Variants in BCAR3 observed in about 807,000 individuals in gnomAD.
BCAR3 encodes the protein breast cancer anti-estrogen resistance protein 3.
Under a neutral mutation model 80.1 loss-of-function variants are expected in BCAR3, and 37 were observed. That is an observed-to-expected ratio of 0.46 (90% CI 0.36 to 0.61). The LOEUF is 0.61. BCAR3 is among the 20% of genes least tolerant of loss of function. The pLI is 0.00. For synonymous variants in BCAR3, 389 were observed against 418.9 expected, an observed-to-expected ratio of 0.93 and a Z score of 0.87; for missense variants, 978 against 1,068.2, an observed-to-expected ratio of 0.92 and a Z score of 1.18.
At position 93,562,041 on chromosome 1, in the gene BCAR3, C is replaced by CA. The variant is rs1428762989; in HGVS notation, c.*199dup. 27 of 445,424 alleles carry CA rather than the reference C, an allele frequency of 6.1e-5. No homozygotes were observed. Among genetic ancestry groups the CA allele is most frequent in the Non-Finnish European group, 8.6e-5 (23 of 266,618 alleles). The allele number at this position is 445,424 out of a possible 1,614,324, so 27.6% of individuals were successfully genotyped here. On this transcript the variant is annotated 3_prime_UTR_variant, in exon 12 of 12. Coordinates refer to ENST00000260502, the MANE Select transcript of BCAR3 (RefSeq NM_003567.4). ...GTAGTTACCTTAATAATAAATTATT[C>CA]ATTTTAAAATCAGTAGTAACTTTAG...
rs181805192 is a variant in BCAR3 at position 93,607,274 on chromosome 1, G to C, written c.358-14881C>G. Among the ~76,000 whole-genome samples the C allele has an allele frequency of 1.5e-3, 233 of 152,266 alleles. 2 individuals are homozygous for C. The highest frequency in any genetic ancestry group is 2.9e-3 in the Non-Finnish European group (197 of 68,022). On this transcript the variant is annotated intron_variant, in intron 3 of 11. Coordinates refer to ENST00000260502, the MANE Select transcript of BCAR3 (RefSeq NM_003567.4). ...TTTAAAAAGACTGTTAACCAGCTTC[G>C]GGGTGGAGGAAGATGGGGACCAGGA...
intron 3 of BCAR3, among the ~76,000 whole-genome samples, chr1:93,623,604 T>C (rs1675375033): frequency 6.6e-6 from 1 of 152,176 alleles, no homozygotes; most frequent in Non-Finnish European, 1.5e-5. Flanking sequence ...GTGGTCAAAG[T>C]GCTGAGAGAG....
intron 2 of BCAR3, among the ~76,000 whole-genome samples, chr1:93,654,431 C>T (rs963436456): frequency 2.6e-5 from 4 of 152,058 alleles, no homozygotes; most frequent in Admixed American, 1.3e-4. Context: ...GTCCTACAAC[C>T]GCAAGGAACT....
At chr1:93,786,702 TAAAAGGAAAAG>T (rs1652960821) in intron 2 of BCAR3, among the ~76,000 whole-genome samples, 1 of 152,120 alleles carries the variant, frequency 6.6e-6, no homozygotes, top group South Asian at 2.1e-4. Context: ...ATTTTTAAGT[TAAAAGGAAAAG>T]GTGTTTTCCT....
At chr1:93,842,677 A>C (rs1655001411) in intron 2 of BCAR3, among the ~76,000 whole-genome samples, 1 of 152,070 alleles carries the variant, frequency 6.6e-6, no homozygotes, top group African/African-American at 2.4e-5. Context: ...CTCATGCCAA[A>C]TGCTTTCCCA....
intron 2 of BCAR3, among the ~76,000 whole-genome samples, chr1:93,814,664 G>GGT (rs1035378834): frequency 6.6e-6 from 1 of 152,206 alleles, no homozygotes; most frequent in African/African-American, 2.4e-5. Context: ...GGTCACCACT[G>GGT]GTGTGTGTAC....
At position 93,754,914 on chromosome 1, in the gene BCAR3, G is replaced by C. The variant is rs538704829; in HGVS notation, c.-62-48772C>G. On this transcript the variant is annotated intron_variant, in intron 2 of 13. Coordinates refer to the BCAR3 transcript ENST00000370244. ...AGGAGGTATTCCAGAAGAAGGTACT[G>C]TTATCCTAGGAGAGGACAGCTCCAT... is the stretch of plus-strand genomic sequence containing the variant. 1.0e-3 allele frequency among the ~76,000 whole-genome samples: 152 copies of C among 152,320 alleles called. 4 individuals carry two copies. Among genetic ancestry groups the C allele is most frequent in the Middle Eastern group, 3.4e-3 (1 of 294 alleles).
At chr1:93,758,663 G>A (rs1474622879) in intron 2 of BCAR3, among the ~76,000 whole-genome samples, 1 of 152,232 alleles carries the variant, frequency 6.6e-6, no homozygotes, top group Non-Finnish European at 1.5e-5. Flanking sequence ...GCTGAGAAAT[G>A]TTCTTGGGAA....
At chr1:93,634,905 A>G (rs1047471784) in intron 3 of BCAR3, among the ~76,000 whole-genome samples, 1 of 152,196 alleles carries the variant, frequency 6.6e-6, no homozygotes, top group East Asian at 1.9e-4. Flanking sequence ...GCACGAAAAC[A>G]GACTAACACA....
rs17110107 is a variant in BCAR3, at chr1:93,576,037, C to G, written c.1779G>C (p.Gln593His). The change falls in exon 8 of 12, where the codon CAG becomes CAC. Residue 593 changes from glutamine to histidine, a missense_variant. Transcript: ENST00000260502. Reference protein sequence around the residue: ...LELITLPHGHQLRLDIIERHN... With the variant: ...LELITLPHGHHLRLDIIERHN... ...ACCTTTCAATTATGTCCAGGCGCAG[C>G]TGGTGTCCGTGAGGCAAGGTAATGA... The G allele has an allele frequency of 5.0e-6, 8 of 1,614,180 alleles. No homozygotes were observed. The South Asian group carries it at 8.8e-5, about 18-fold the overall frequency.
chr1:93,576,743 TC>T (rs1673475534), intron 7 of BCAR3, among the ~76,000 whole-genome samples: 1 of 152,242 alleles, frequency 6.6e-6, no homozygotes, highest in Non-Finnish European at 1.5e-5. Flanking sequence ...AAAATCTTTG[TC>T]CCAGACAGCT....
At chr1:93,704,583 A>G (rs917069987) in intron 3 of BCAR3, among the ~76,000 whole-genome samples, 1 of 152,190 alleles carries the variant, frequency 6.6e-6, no homozygotes, top group Admixed American at 6.5e-5. Context: ...CCACATCTCC[A>G]GAGTCAGGGG....
intron 2 of BCAR3, among the ~76,000 whole-genome samples, chr1:93,654,557 C>T (rs1647280381): frequency 6.6e-6 from 1 of 152,202 alleles, no homozygotes; most frequent in South Asian, 2.1e-4. Context: ...TTCTGACCTA[C>T]AGAAACCGTG....
chr1:93,710,008 G>C (rs900638808), intron 2 of BCAR3, among the ~76,000 whole-genome samples: 1 of 152,204 alleles, frequency 6.6e-6, no homozygotes, highest in Non-Finnish European at 1.5e-5. Context: ...TTGTTTTGGG[G>C]AACATTCCAT....
intron 3 of BCAR3, among the ~76,000 whole-genome samples, chr1:93,694,883 A>G (rs890739936): frequency 7.2e-5 from 11 of 152,052 alleles, no homozygotes; most frequent in African/African-American, 2.7e-4. Context: ...AGCACCTCCA[A>G]TGCTCCAGCC....
intron 2 of BCAR3, among the ~76,000 whole-genome samples, chr1:93,787,577 C>A (rs1652993077): frequency 6.6e-6 from 1 of 152,184 alleles, no homozygotes; most frequent in African/African-American, 2.4e-5. Flanking sequence ...ACTCAAAGAT[C>A]ATTCAAGCGC....
intron 2 of BCAR3, among the ~76,000 whole-genome samples, chr1:93,841,501 T>C (rs947802600): frequency 6.6e-6 from 1 of 152,352 alleles, no homozygotes; most frequent in East Asian, 1.9e-4. Flanking sequence ...AAGATACTCC[T>C]ACATCCTTCC....
intron 2 of BCAR3, among the ~76,000 whole-genome samples, chr1:93,836,501 A>G (rs185613826): frequency 4.6e-5 from 7 of 151,278 alleles, no homozygotes; most frequent in Admixed American, 4.6e-4. Context: ...CCTTACCACA[A>G]AATCTTCCTT....
chr1:93,569,354 T>C (rs2101803857), intron 9 of BCAR3, among the ~76,000 whole-genome samples: 1 of 152,364 alleles, frequency 6.6e-6, no homozygotes, highest in East Asian at 1.9e-4. Context: ...AGAGCTCCTG[T>C]ATCCAAAAGG....
Sources: allele counts gnomAD v4.1 joint callset (sites outside exome capture counted in the v4.1 genomes callset), GRCh38; gene constraint gnomAD v4.1.1; transcripts MANE v1.5; gene names NCBI Gene and HGNC (gene_info 2026-07-23, HGNC 2026-07-21).